The following SRGAP3 variants were observed in gnomAD, a reference collection of about 807,000 sequenced individuals.
The protein encoded by SRGAP3 is SLIT-ROBO Rho GTPase activating protein 3, also known as SLIT-ROBO Rho GTPase-activating protein 3.
A neutral mutation model predicts 121.1 loss-of-function variants in SRGAP3; 39 were observed. The observed-to-expected ratio is 0.32, with a 90% CI of 0.25 to 0.42. SRGAP3 has a LOEUF of 0.42. Among genes scored for constraint, SRGAP3 ranks in the 10% least tolerant of loss-of-function variants. The pLI, the probability that SRGAP3 is intolerant of heterozygous loss-of-function variation, is 1.00. For missense variants in SRGAP3, 1,213 were observed against 1,470.6 expected, an observed-to-expected ratio of 0.82 and a Z score of 2.86; for synonymous variants, 601 against 570.0, an observed-to-expected ratio of 1.05 and a Z score of -0.77.
intron 2 of SRGAP3, among the ~76,000 whole-genome samples, chr3:9,121,727 C>T (rs908213072): frequency 6.6e-6 from 1 of 152,230 alleles, no homozygotes; most frequent in Admixed American, 6.5e-5. Flanking sequence ...ACAATCCCTG[C>T]CTTTCTCCTC....
In SRGAP3 at chr3:9,051,430, G is replaced by A. The variant is rs1270240443; in HGVS notation, c.1323+1597C>T. Among the ~76,000 whole-genome samples, 4 of 152,144 alleles carry A rather than the reference G, an allele frequency of 2.6e-5. No homozygotes were observed. The East Asian group carries it at 5.8e-4, about 22-fold the overall frequency. Reference sequence around the variant, plus strand: ...AATCTGCAGGTGACACAGGTTTGAGGAGACAGCACGTATGCTGAGTAACTG... The same window carrying A: ...AATCTGCAGGTGACACAGGTTTGAGAAGACAGCACGTATGCTGAGTAACTG... On this transcript the variant is annotated intron_variant, in intron 9 of 21. Transcript: ENST00000383836.
chr3:9,147,914 C>G lies in SRGAP3; in HGVS notation c.68-22997G>C, dbSNP rs369643200. ...TCAGATGGTGTCACCACACTCTGGC[C>G]TCTCCCTCCCATCTTTCAGAAGCCC... On this transcript the variant is annotated intron_variant, in intron 1 of 21. Coordinates refer to ENST00000383836, the MANE Select transcript of SRGAP3 (RefSeq NM_014850.4). 4.6e-5 allele frequency among the ~76,000 whole-genome samples: 7 copies of G among 152,298 alleles called. No homozygotes were observed. In the East Asian group the frequency reaches 9.7e-4, roughly 21 times the overall value.
intron 1 of SRGAP3, among the ~76,000 whole-genome samples, chr3:9,339,177 G>A (rs1047150480): frequency 1.3e-5 from 2 of 152,096 alleles, no homozygotes; most frequent in African/African-American, 4.8e-5. Context: ...TAACTGCCCT[G>A]GGCCTTGGTT....
chr3:9,229,572 C>A (rs561023900), intron 1 of SRGAP3, among the ~76,000 whole-genome samples: 4 of 152,184 alleles, frequency 2.6e-5, no homozygotes, highest in South Asian at 2.1e-4. Flanking sequence ...TAGCCAGCGG[C>A]CTGTGTCACA....
At chr3:9,102,059 C>T (rs1477053331) in intron 3 of SRGAP3, among the ~76,000 whole-genome samples, 1 of 152,252 alleles carries the variant, frequency 6.6e-6, no homozygotes, top group Non-Finnish European at 1.5e-5. Flanking sequence ...AGGACAGACA[C>T]CTGGCCTAGA....
At chr3:9,202,293 G>C (rs1378781216) in intron 1 of SRGAP3, among the ~76,000 whole-genome samples, 1 of 152,168 alleles carries the variant, frequency 6.6e-6, no homozygotes, top group Admixed American at 6.5e-5. Flanking sequence ...AGGAAGAGTG[G>C]TATTAGTGCC....
intron 1 of SRGAP3, among the ~76,000 whole-genome samples, chr3:9,187,334 A>C (rs1175347392): frequency 6.6e-6 from 1 of 152,168 alleles, no homozygotes; most frequent in Non-Finnish European, 1.5e-5. Flanking sequence ...CAGTGGACTA[A>C]CTGAGGAAGG....
At chr3:9,132,923 C>T (rs1261989891) in intron 1 of SRGAP3, among the ~76,000 whole-genome samples, 1 of 151,350 alleles carries the variant, frequency 6.6e-6, no homozygotes, top group Non-Finnish European at 1.5e-5. Context: ...CTCTATCAAC[C>T]ACCTAGTTCC....
In SRGAP3 at chr3:8,982,023, G is replaced by C. The variant is rs986076233; in HGVS notation, c.*3496C>G. ...CCCACAGCTCAGAGCAGCTCTTTAA[G>C]AGGAAAAGGGAATAAAAGGGGACGG... On this transcript the variant is annotated 3_prime_UTR_variant, in exon 22 of 22. Transcript: ENST00000383836. The C allele has an allele frequency of 4.4e-6, 1 of 225,962 alleles. No homozygotes were observed. The highest frequency in any genetic ancestry group is 2.2e-5 in the African/African-American group (1 of 44,922). 14.0% of individuals were successfully genotyped at this position (225,962 alleles called of 1,614,324 possible).
chr3:9,144,560 A>G (rs1949962014), intron 1 of SRGAP3, among the ~76,000 whole-genome samples: 2 of 152,218 alleles, frequency 1.3e-5, no homozygotes, highest in South Asian at 4.1e-4. Flanking sequence ...ATGGGGGCCT[A>G]TCTTTCCCAT....
At position 8,994,459 on chromosome 3, in the gene SRGAP3, G is replaced by A. The variant is rs1462337295; in HGVS notation, c.2292C>T (p.Ser764=). ...GGAGCAGCGAGGCCCCCTTCTTGAA[G>A]GATAGCTCACGCGGGGACCGCCCCA... ...DYMGRSPREL[S]FKKGASLLLY... Residue 764 remains serine, a synonymous_variant, in exon 19 of 22, where the codon TCC becomes TCT. Transcript: ENST00000383836. 2 of 1,614,232 alleles carry A rather than the reference G, an allele frequency of 1.2e-6. No homozygotes were observed. Among genetic ancestry groups the A allele is most frequent in the African/African-American group, 2.7e-5 (2 of 75,070 alleles).
intron 1 of SRGAP3, among the ~76,000 whole-genome samples, chr3:9,156,281 G>A (rs999141869): frequency 1.3e-5 from 2 of 152,178 alleles, no homozygotes; most frequent in Non-Finnish European, 2.9e-5. Context: ...TCTGTTGAAT[G>A]GGAGGTTTGT....
intron 2 of SRGAP3, among the ~76,000 whole-genome samples, chr3:9,105,287 CT>C (rs1259602802): frequency 2.0e-5 from 3 of 152,224 alleles, no homozygotes; most frequent in Non-Finnish European, 4.4e-5. Context: ...CTCTTAACTT[CT>C]TTGTTCTTCC....
intron 12 of SRGAP3, chr3:9,028,024 G>A: frequency 6.4e-7 from 1 of 1,558,676 alleles, no homozygotes; most frequent in Middle Eastern, 1.7e-4. Context: ...GGCAAGGTGG[G>A]CTCTGTTCTG....
intron 3 of SRGAP3, among the ~76,000 whole-genome samples, chr3:9,087,948 C>T (rs1393173035): frequency 6.6e-6 from 1 of 152,136 alleles, no homozygotes; most frequent in African/African-American, 2.4e-5. Flanking sequence ...GGACTGGCCA[C>T]AGAGTAAATG....
At chr3:9,271,437 TC>T (rs971684831) in intron 3 of SRGAP3, among the ~76,000 whole-genome samples, 1 of 152,122 alleles carries the variant, frequency 6.6e-6, no homozygotes, top group African/African-American at 2.4e-5. Flanking sequence ...CAGATCATTC[TC>T]CCTCCCCAGG....
intron 18 of SRGAP3, among the ~76,000 whole-genome samples, chr3:9,002,224 G>GT (rs1276988260): frequency 1.3e-4 from 20 of 152,176 alleles, no homozygotes; most frequent in Non-Finnish European, 2.5e-4. Context: ...TTCTACCACA[G>GT]TAGGATAAAA....
chr3:9,342,307 C>T (rs778160564), intron 1 of SRGAP3, among the ~76,000 whole-genome samples: 2 of 151,048 alleles, frequency 1.3e-5, no homozygotes, highest in Admixed American at 6.6e-5. Context: ...GCTGAGATTG[C>T]GCCACTGTAC....
At chr3:9,221,371 A>C (rs555749062) in intron 1 of SRGAP3, among the ~76,000 whole-genome samples, 6 of 152,204 alleles carry the variant, frequency 3.9e-5, no homozygotes, top group African/African-American at 1.4e-4. Flanking sequence ...TTTCTACAAA[A>C]ACATTTTTAA....
Sources: allele counts gnomAD v4.1 joint callset (sites outside exome capture counted in the v4.1 genomes callset), GRCh38; gene constraint gnomAD v4.1.1; transcripts MANE v1.5; gene names NCBI Gene and HGNC (gene_info 2026-07-23, HGNC 2026-07-21).